The following PALM2AKAP2 variants were observed in gnomAD, a reference collection of about 807,000 sequenced individuals.
The protein encoded by PALM2AKAP2 is PALM2 and AKAP2 fusion.
A neutral mutation model predicts 71.5 loss-of-function variants in PALM2AKAP2; 37 were observed. The observed-to-expected ratio is 0.52, with a 90% CI of 0.40 to 0.68. The LOEUF (loss-of-function observed/expected upper bound fraction) is 0.68, where lower values mean the gene tolerates loss of function less well. Among genes scored for constraint, PALM2AKAP2 ranks in the 30% least tolerant of loss-of-function variants. The probability of loss-of-function intolerance (pLI) is 0.00; values close to 1 mark genes in which losing one functional copy is unlikely to be tolerated. For synonymous variants in PALM2AKAP2, 468 were observed against 478.8 expected (o/e 0.98, Z 0.29); for missense variants, 1,224 against 1,191.8 (o/e 1.03, Z -0.40).
chr9:109,761,634 T>C (rs1414805868), intron 1 of PALM2AKAP2, among the ~76,000 whole-genome samples: 3 of 152,254 alleles, frequency 2.0e-5, no homozygotes, highest in Non-Finnish European at 2.9e-5. Context: ...TTTGGTTTTC[T>C]GTTCCTGTAT....
At chr9:110,026,627 C>T (rs1169469407) in intron 7 of PALM2AKAP2, among the ~76,000 whole-genome samples, 1 of 152,154 alleles carries the variant, frequency 6.6e-6, no homozygotes, top group East Asian at 1.9e-4. Context: ...CATTAAATAC[C>T]AGCCCCCCAT....
At position 109,701,877 on chromosome 9, in the gene PALM2AKAP2, T is replaced by A. The variant is rs1057389508; in HGVS notation, c.5+61011T>A. 6.7e-4 allele frequency among the ~76,000 whole-genome samples: 102 copies of A among 152,070 alleles called. 1 individual carries two copies. The highest frequency in any genetic ancestry group is 2.8e-4 in the Non-Finnish European group (19 of 67,960). On this transcript the variant is annotated intron_variant, in intron 1 of 6. Transcript: ENST00000374531. Reference sequence around the variant, plus strand: ...AAGGGCTAATATCCAGAATCTACAATGAACTCAAACAAATTTACAAGAAAA... The same window carrying A: ...AAGGGCTAATATCCAGAATCTACAAAGAACTCAAACAAATTTACAAGAAAA...
At chr9:109,777,505 A>T (rs1829365288), upstream of PALM2AKAP2, among the ~76,000 whole-genome samples, 1 of 152,108 alleles carries the variant, frequency 6.6e-6, no homozygotes, top group Non-Finnish European at 1.5e-5. Context: ...CATCTTTCAC[A>T]TCTGAAGAGC....
chr9:109,697,077 T>G (rs2118565847), intron 1 of PALM2AKAP2, among the ~76,000 whole-genome samples: 1 of 151,870 alleles, frequency 6.6e-6, no homozygotes, highest in South Asian at 2.1e-4. Flanking sequence ...GGCATGAGAG[T>G]CTCCCCCTTA....
At chr9:109,875,256 T>C (rs947721309) in intron 2 of PALM2AKAP2, among the ~76,000 whole-genome samples, 1 of 152,226 alleles carries the variant, frequency 6.6e-6, no homozygotes, top group Non-Finnish European at 1.5e-5. Flanking sequence ...TCAGCTTGAA[T>C]GTTCAAGTCA....
intron 6 of PALM2AKAP2, among the ~76,000 whole-genome samples, chr9:110,002,345 T>C (rs961783077): frequency 6.6e-6 from 1 of 152,044 alleles, no homozygotes; most frequent in Non-Finnish European, 1.5e-5. Context: ...GAACCAGCCT[T>C]GCATCCCAGG....
intron 3 of PALM2AKAP2, among the ~76,000 whole-genome samples, chr9:109,895,314 A>C (rs1284194960): frequency 6.6e-6 from 1 of 152,248 alleles, no homozygotes; most frequent in Non-Finnish European, 1.5e-5. Flanking sequence ...TGCTCTGTTA[A>C]GCAAAGGATG....
intron 1 of PALM2AKAP2, among the ~76,000 whole-genome samples, chr9:109,740,405 T>C (rs936760070): frequency 8.5e-5 from 13 of 152,240 alleles, no homozygotes; most frequent in Non-Finnish European, 1.6e-4. Flanking sequence ...AAAGGCTTCT[T>C]TGCTAAGGTG....
At chr9:109,970,186 T>C (rs1213736517) in intron 6 of PALM2AKAP2, among the ~76,000 whole-genome samples, 1 of 152,236 alleles carries the variant, frequency 6.6e-6, no homozygotes, top group East Asian at 1.9e-4. Context: ...CTCAGAACAG[T>C]ACTTTTGTAA....
chr9:110,050,630 TTTTTC>T (rs1485979302), intron 1 of PALM2AKAP2, among the ~76,000 whole-genome samples: 2 of 150,596 alleles, frequency 1.3e-5, no homozygotes, highest in Admixed American at 1.3e-4. Context: ...CTTTTCTTTT[TTTTTC>T]TTTTCTTTTC....
At chr9:109,851,209 C>CAACAA (rs1351473290) in intron 1 of PALM2AKAP2, among the ~76,000 whole-genome samples, 3 of 144,902 alleles carry the variant, frequency 2.1e-5, no homozygotes, top group African/African-American at 5.2e-5. Context: ...ACAACAACAA[C>CAACAA]AAAAAAAAAA....
At chr9:109,889,533 C>T (rs1305975288) in intron 3 of PALM2AKAP2, among the ~76,000 whole-genome samples, 3 of 152,192 alleles carry the variant, frequency 2.0e-5, no homozygotes, top group Non-Finnish European at 4.4e-5. Flanking sequence ...GGTCCCTGCC[C>T]TATCCTCCAA....
At chr9:109,826,942 G>T (rs1053429998) in intron 1 of PALM2AKAP2, among the ~76,000 whole-genome samples, 1 of 152,136 alleles carries the variant, frequency 6.6e-6, no homozygotes, top group African/African-American at 2.4e-5. Context: ...GATTGATTAT[G>T]AAATGAGATA....
intron 1 of PALM2AKAP2, among the ~76,000 whole-genome samples, chr9:109,732,332 C>T (rs78387151): frequency 0.043 from 6,487 of 152,264 alleles, 189 homozygotes; most frequent in Non-Finnish European, 0.053. Flanking sequence ...GAAAGCTCAG[C>T]TGTGTCTTCA....
chr9:110,158,932 T>C (rs1836529970), intron 3 of PALM2AKAP2, among the ~76,000 whole-genome samples: 1 of 152,232 alleles, frequency 6.6e-6, no homozygotes, highest in Non-Finnish European at 1.5e-5. Flanking sequence ...GATATGATCA[T>C]CAGTCAGGCT....
chr9:109,849,687 C>T (rs1460859140), intron 1 of PALM2AKAP2, among the ~76,000 whole-genome samples: 1 of 151,994 alleles, frequency 6.6e-6, no homozygotes, highest in Non-Finnish European at 1.5e-5. Context: ...ACCCGGGAGG[C>T]GAAGGTTGCA....
chr9:109,728,240 G>A (rs1828504352), intron 1 of PALM2AKAP2, among the ~76,000 whole-genome samples: 1 of 151,646 alleles, frequency 6.6e-6, no homozygotes, highest in African/African-American at 2.4e-5. Context: ...CATTCATTAA[G>A]CATTTCTACG....
chr9:109,811,488 T>TA (rs371721825), intron 1 of PALM2AKAP2, among the ~76,000 whole-genome samples: 4 of 151,938 alleles, frequency 2.6e-5, no homozygotes, highest in Non-Finnish European at 4.4e-5. Flanking sequence ...GTTAGTATGT[T>TA]AAAAAAAATA....
At chr9:109,973,517 T>G (rs1169098948) in intron 6 of PALM2AKAP2, among the ~76,000 whole-genome samples, 1 of 152,208 alleles carries the variant, frequency 6.6e-6, no homozygotes, top group Non-Finnish European at 1.5e-5. Flanking sequence ...GTAGCTTATA[T>G]TCCATTGGCC....
Sources: allele counts gnomAD v4.1 joint callset (sites outside exome capture counted in the v4.1 genomes callset), GRCh38; gene constraint gnomAD v4.1.1; transcripts MANE v1.5; gene names NCBI Gene and HGNC (gene_info 2026-07-23, HGNC 2026-07-21).